Variants in GABARAPL2 observed in about 807,000 individuals in gnomAD.
The protein encoded by GABARAPL2 is GABA type A receptor associated protein like 2, also known as gamma-aminobutyric acid receptor-associated protein-like 2.
In GABARAPL2, 11 loss-of-function variants were observed where a neutral mutation model predicts 16.9. That is an observed-to-expected ratio of 0.65 (90% confidence interval 0.41 to 1.08). The LOEUF (loss-of-function observed/expected upper bound fraction) is 1.08, where lower values mean the gene tolerates loss of function less well. GABARAPL2 is among the 50% of genes least tolerant of loss of function. GABARAPL2 has a pLI of 0.00. For synonymous variants in GABARAPL2, 57 were observed against 50.7 expected (o/e 1.12, Z -0.53); for missense variants, 134 against 142.5 (o/e 0.94, Z 0.30).
At chr16:75,571,137 T>C (rs2080911769) in intron 3 of GABARAPL2, among the ~76,000 whole-genome samples, 1 of 152,200 alleles carries the variant, frequency 6.6e-6, no homozygotes, top group Admixed American at 6.5e-5. Flanking sequence ...TGGAGTGCAG[T>C]GGCACAGTCA....
Position 75,568,212 on chromosome 16 carries a change from G to A in GABARAPL2, c.263+3G>A. The A allele has an allele frequency of 6.3e-7, 1 of 1,590,650 alleles. No homozygotes were observed. The highest frequency in any genetic ancestry group is 8.6e-7 in the Non-Finnish European group (1 of 1,160,588). On this transcript the variant is annotated splice_donor_region_variant and intron_variant, in intron 3 of 3. Transcript: ENST00000037243. ...GATAAGACAGTCCCACAGTCCAGGT[G>A]AGAGGTGTTTACTAGATGGGCCCTC...
chr16:75,576,472 G>C (rs1251195421), intron 3 of GABARAPL2: 1 of 152,208 alleles, frequency 6.6e-6, no homozygotes. Flanking sequence ...AGTGACCTCA[G>C]ATGTCTCAGA....
intron 3 of GABARAPL2, among the ~76,000 whole-genome samples, chr16:75,572,857 C>T (rs942588003): frequency 6.6e-6 from 1 of 152,178 alleles, no homozygotes; most frequent in Admixed American, 6.6e-5. Context: ...CAGATGAATG[C>T]GTGTGGTACT....
Position 75,568,070 on chromosome 16 carries a change from GT to G in GABARAPL2, c.126del (p.Asp43ThrfsTer47). ...GGAAAAGGTCTCAGGCTCTCAGATT[GT>G]TGACATTGACAAACGGAAGTACTTG... is the stretch of plus-strand genomic sequence containing the variant. ...IVEKVSGSQI[V>X]DIDKRKYLVP... On this transcript the variant is annotated frameshift_variant, in exon 3 of 4. Transcript: ENST00000037243. LOFTEE classifies it high-confidence loss of function. The G allele has an allele frequency of 6.2e-7, 1 of 1,609,872 alleles. No individual in the cohort carries two copies. Among genetic ancestry groups the G allele is most frequent in the Non-Finnish European group, 8.5e-7 (1 of 1,176,506 alleles).
In GABARAPL2 at chr16:75,577,337, G is replaced by T; in HGVS notation, c.322G>T (p.Ala108Ser). Reference sequence around the variant, plus strand: ...AGATGAAGATGGATTCTTATATGTGGCCTACAGCGGAGAGAACACTTTTGG... The same window carrying T: ...AGATGAAGATGGATTCTTATATGTGTCCTACAGCGGAGAGAACACTTTTGG... ...EKDEDGFLYV[A>S]YSGENTFGF Residue 108 changes from alanine to serine, a missense_variant, in exon 4 of 4, where the codon GCC (alanine) becomes TCC (serine). Transcript: ENST00000037243. The T allele has an allele frequency of 6.2e-7, 1 of 1,612,172 alleles. No individual in the cohort carries two copies. The highest frequency in any genetic ancestry group is 8.5e-7 in the Non-Finnish European group (1 of 1,178,218).
intron 3 of GABARAPL2, among the ~76,000 whole-genome samples, chr16:75,571,535 G>A (rs568953601): frequency 7.9e-5 from 12 of 152,282 alleles, no homozygotes; most frequent in African/African-American, 2.9e-4. Flanking sequence ...TTTTAGGACA[G>A]AGTAACCAGA....
intron 3 of GABARAPL2, among the ~76,000 whole-genome samples, chr16:75,570,016 A>C (rs1219786356): frequency 6.6e-6 from 1 of 152,190 alleles, no homozygotes; most frequent in African/African-American, 2.4e-5. Context: ...CCTTTTGCCC[A>C]GGCTGTCAGC....
At chr16:75,577,076 G>T in intron 3 of GABARAPL2, 1 of 496,970 alleles carries the variant, frequency 2.0e-6, no homozygotes, top group Non-Finnish European at 3.6e-6. Flanking sequence ...TTACTTGGGA[G>T]GATGTCAAAT....
Position 75,566,855 on chromosome 16 carries a change from A to G in GABARAPL2, c.38A>G (p.His13Arg). ...GCCCCGTTTGTTTCTCCCACAGAAC[A>G]CAGATGCGTGGAGTCCGCGAAGATT... The part of the protein sequence containing the change: ...WMFKEDHSLE[H>R]RCVESAKIRA... Residue 13 changes from histidine to arginine, a missense_variant, in exon 2 of 4, where the codon CAC becomes CGC. Transcript: ENST00000037243. The G allele has an allele frequency of 6.2e-7, 1 of 1,613,294 alleles. No individual in the cohort carries two copies. The highest frequency in any genetic ancestry group is 8.5e-7 in the Non-Finnish European group (1 of 1,179,852).
At chr16:75,569,729 T>C (rs1372657563) in intron 3 of GABARAPL2, among the ~76,000 whole-genome samples, 1 of 152,180 alleles carries the variant, frequency 6.6e-6, no homozygotes, top group Admixed American at 6.5e-5. Flanking sequence ...CTCAGATGGC[T>C]CCACAGTAAT....
chr16:75,569,666 T>A (rs1207937315), intron 3 of GABARAPL2, among the ~76,000 whole-genome samples: 1 of 152,208 alleles, frequency 6.6e-6, no homozygotes, highest in Non-Finnish European at 1.5e-5. Flanking sequence ...CAATTCTGAT[T>A]CTCTGGTTCT....
Position 75,566,484 on chromosome 16 carries a change from G to C in GABARAPL2, c.-3G>C. 6.2e-7 allele frequency: 1 copy of C among 1,605,932 alleles called. No individual in the cohort carries two copies. Among genetic ancestry groups the C allele is most frequent in the South Asian group, 1.1e-5 (1 of 90,184 alleles). Reference sequence around the variant, plus strand: ...CCGGTTCCGTCCCCTTCCCGCCGCCGCCATGAAGTGGATGTTCAAGGAGGA... The same window carrying C: ...CCGGTTCCGTCCCCTTCCCGCCGCCCCCATGAAGTGGATGTTCAAGGAGGA... On this transcript the variant is annotated 5_prime_UTR_variant, in exon 1 of 4. Coordinates refer to ENST00000037243, the MANE Select transcript of GABARAPL2 (RefSeq NM_007285.7).
chr16:75,567,361 A>G (rs992908845), intron 2 of GABARAPL2, among the ~76,000 whole-genome samples: 2 of 152,250 alleles, frequency 1.3e-5, no homozygotes, highest in African/African-American at 4.8e-5. Context: ...GACCAAAATA[A>G]TGTGAAAAGC....
chr16:75,574,173 G>A (rs932363858), intron 3 of GABARAPL2, among the ~76,000 whole-genome samples: 4 of 152,226 alleles, frequency 2.6e-5, no homozygotes, highest in African/African-American at 9.6e-5. Context: ...TAGCGGTCCA[G>A]TGGTTATTGT....
intron 3 of GABARAPL2, among the ~76,000 whole-genome samples, chr16:75,568,988 C>G (rs1426605584): frequency 6.6e-6 from 1 of 152,156 alleles, no homozygotes; most frequent in Non-Finnish European, 1.5e-5. Context: ...CACCTCTCCC[C>G]TGAGTGTGAG....
chr16:75,574,430 C>T (rs2080935040), intron 3 of GABARAPL2, among the ~76,000 whole-genome samples: 1 of 152,110 alleles, frequency 6.6e-6, no homozygotes, highest in Admixed American at 6.6e-5. Context: ...GGAGATGTTA[C>T]GACAGTTGTC....
chr16:75,577,267 T>C lies in GABARAPL2; in HGVS notation c.264-12T>C. ...CCAATTTTCAATGACGTTTTTGTTT[T>C]TCTCTTTCAAGCCTAACTATGGGAC... On this transcript the variant is annotated splice_polypyrimidine_tract_variant and intron_variant, in intron 3 of 3. Coordinates refer to ENST00000037243, the MANE Select transcript of GABARAPL2 (RefSeq NM_007285.7). 1.3e-6 allele frequency: 2 copies of C among 1,572,238 alleles called. No homozygotes were observed. The highest frequency in any genetic ancestry group is 1.8e-6 in the Non-Finnish European group (2 of 1,141,744).
At chr16:75,577,253 T>G in intron 3 of GABARAPL2, 26 bp from the exon 4 acceptor site, 1 of 1,451,400 alleles carries the variant, frequency 6.9e-7, no homozygotes, top group Non-Finnish European at 9.7e-7. Context: ...CAATTTTCAA[T>G]GACGTTTTTG....
At chr16:75,577,017 T>C (rs2080953613) in intron 3 of GABARAPL2, 2 of 352,128 alleles carry the variant, frequency 5.7e-6, no homozygotes, top group Non-Finnish European at 1.0e-5. Flanking sequence ...GAGGCATCCA[T>C]GTGTTAGCCA....
Sources: allele counts gnomAD v4.1 joint callset (sites outside exome capture counted in the v4.1 genomes callset), GRCh38; gene constraint gnomAD v4.1.1; transcripts MANE v1.5; gene names NCBI Gene and HGNC (gene_info 2026-07-23, HGNC 2026-07-21).